The following PRKG1 variants were observed in gnomAD, a reference collection of about 807,000 sequenced individuals.
PRKG1 encodes protein kinase cGMP-dependent 1.
Under a neutral mutation model 88.1 loss-of-function variants are expected in PRKG1, and 35 were observed. The ratio of observed to expected loss-of-function variants is 0.40; its 90% CI spans 0.30 to 0.53. The LOEUF is 0.53. Ranked by LOEUF, PRKG1 falls within the 20% of genes least tolerant of loss-of-function variation. PRKG1 has a pLI of 0.59. For synonymous variants in PRKG1, 303 were observed against 292.5 expected, an observed-to-expected ratio of 1.04 and a Z score of -0.37; for missense variants, 540 against 839.8, an observed-to-expected ratio of 0.64 and a Z score of 4.41.
chr10:51,264,345 G>A (rs2132164884), intron 2 of PRKG1, among the ~76,000 whole-genome samples: 1 of 152,282 alleles, frequency 6.6e-6, no homozygotes, highest in East Asian at 1.9e-4. Context: ...ATTGTAAATT[G>A]AGCCTTCTCT....
chr10:52,250,611 G>A (rs1442115482), intron 9 of PRKG1, among the ~76,000 whole-genome samples: 2 of 152,166 alleles, frequency 1.3e-5, no homozygotes, highest in African/African-American at 2.4e-5. Flanking sequence ...TGAAGGTCAC[G>A]GGTTATGCAT....
At chr10:52,183,087 C>T (rs890576046) in intron 9 of PRKG1, among the ~76,000 whole-genome samples, 2 of 152,150 alleles carry the variant, frequency 1.3e-5, no homozygotes, top group Admixed American at 6.5e-5. Flanking sequence ...TAACTCATTA[C>T]CATGAAGACA....
At chr10:51,166,168 G>T (rs1846533021) in intron 2 of PRKG1, among the ~76,000 whole-genome samples, 1 of 150,426 alleles carries the variant, frequency 6.6e-6, no homozygotes, top group African/African-American at 2.4e-5. Context: ...TGCGATCCTT[G>T]ATGGTTCACT....
chr10:51,060,698 C>T (rs1285389480), intron 1 of PRKG1, among the ~76,000 whole-genome samples: 3 of 152,090 alleles, frequency 2.0e-5, no homozygotes, highest in Admixed American at 1.3e-4. Flanking sequence ...ATGATACTTA[C>T]ATTTTCTTTA....
chr10:51,610,745 CA>C (rs1233300044), intron 3 of PRKG1, among the ~76,000 whole-genome samples: 6 of 152,058 alleles, frequency 3.9e-5, no homozygotes, highest in Non-Finnish European at 7.3e-5. Flanking sequence ...TTTGCAGGGA[CA>C]GGGATAAAGC....
At chr10:51,461,834 T>C (rs758579034) in intron 2 of PRKG1, among the ~76,000 whole-genome samples, 5 of 152,244 alleles carry the variant, frequency 3.3e-5, no homozygotes, top group Non-Finnish European at 5.9e-5. Flanking sequence ...GGGAATTGGA[T>C]GGCTTTTCCC....
chr10:52,051,731 T>G (rs1845991356), intron 5 of PRKG1, among the ~76,000 whole-genome samples: 1 of 152,180 alleles, frequency 6.6e-6, no homozygotes, highest in South Asian at 2.1e-4. Flanking sequence ...ACTTCACTAT[T>G]GTGAAGAGAA....
At chr10:51,673,296 A>T (rs1840629445) in intron 3 of PRKG1, among the ~76,000 whole-genome samples, 1 of 152,190 alleles carries the variant, frequency 6.6e-6, no homozygotes, top group South Asian at 2.1e-4. Flanking sequence ...GAATAATTAT[A>T]TTTTATGAAG....
At chr10:51,496,503 G>A (rs906182547) in intron 3 of PRKG1, among the ~76,000 whole-genome samples, 4 of 152,104 alleles carry the variant, frequency 2.6e-5, no homozygotes, top group African/African-American at 9.7e-5. Flanking sequence ...CTTGGGCCCT[G>A]TTTTGTTAAT....
chr10:51,348,717 C>G (rs778836377), intron 2 of PRKG1, among the ~76,000 whole-genome samples: 38 of 152,178 alleles, frequency 2.5e-4, no homozygotes, highest in Non-Finnish European at 5.0e-4. Flanking sequence ...CTTGCACTAA[C>G]ATGTATCTAC....
intron 3 of PRKG1, among the ~76,000 whole-genome samples, chr10:51,723,520 T>G (rs955038103): frequency 6.6e-6 from 1 of 152,028 alleles, no homozygotes; most frequent in Admixed American, 6.5e-5. Flanking sequence ...ATGCCTAATA[T>G]AGATGAAAGG....
At chr10:52,014,951 G>A (rs1020137223) in intron 5 of PRKG1, among the ~76,000 whole-genome samples, 4 of 152,244 alleles carry the variant, frequency 2.6e-5, no homozygotes, top group African/African-American at 9.6e-5. Flanking sequence ...TGGCTCTTCA[G>A]GGTACAGCCC....
intron 4 of PRKG1, among the ~76,000 whole-genome samples, chr10:51,816,775 G>A (rs1839598288): frequency 6.6e-6 from 1 of 152,084 alleles, no homozygotes. Flanking sequence ...AATACATATA[G>A]AGTGCTTAAA....
Position 51,578,103 on chromosome 10 carries a change from A to T in PRKG1, c.592+110267A>T, listed in dbSNP as rs560877764. 1.3e-3 allele frequency among the ~76,000 whole-genome samples: 202 copies of T among 152,224 alleles called. 1 individual carries two copies. The highest frequency in any genetic ancestry group is 2.2e-3 in the Non-Finnish European group (149 of 67,994). ...ATCCCTCTTCCTAGAGAGTTGATAA[A>T]ACAGGAACATAATGCTCTTCATTCC... On this transcript the variant is annotated intron_variant, in intron 3 of 17. Coordinates refer to ENST00000373980, the MANE Select transcript of PRKG1 (RefSeq NM_006258.4).
At chr10:51,231,377 G>A (rs139783643) in intron 2 of PRKG1, among the ~76,000 whole-genome samples, 12 of 152,222 alleles carry the variant, frequency 7.9e-5, no homozygotes, top group African/African-American at 2.6e-4. Context: ...GCAATATTCA[G>A]GGTGTATATT....
intron 3 of PRKG1, among the ~76,000 whole-genome samples, chr10:51,521,424 A>G (rs1841733929): frequency 6.6e-6 from 1 of 152,234 alleles, no homozygotes; most frequent in Non-Finnish European, 1.5e-5. Context: ...TGTGATTTAT[A>G]TGAAAGGTGA....
chr10:51,412,462 GT>G (rs35271124), intron 2 of PRKG1, among the ~76,000 whole-genome samples: 82,061 of 151,664 alleles, frequency 0.54, 22,836 homozygotes, highest in Non-Finnish European at 0.62. Context: ...GGCCAACATG[GT>G]GAAAACCCAT....
At chr10:51,956,676 A>G (rs1843309913) in intron 5 of PRKG1, among the ~76,000 whole-genome samples, 1 of 151,880 alleles carries the variant, frequency 6.6e-6, no homozygotes, top group Non-Finnish European at 1.5e-5. Context: ...ACCAATACAT[A>G]AATGAATGAA....
At chr10:52,054,202 T>A (rs956813786) in intron 5 of PRKG1, among the ~76,000 whole-genome samples, 7 of 152,220 alleles carry the variant, frequency 4.6e-5, no homozygotes, top group African/African-American at 1.7e-4. Context: ...CACACCAGCA[T>A]GGCACATGCA....
Sources: gnomAD v4.1 joint callset for allele counts (sites outside exome capture counted in the v4.1 genomes callset) on GRCh38, gnomAD v4.1.1 for gene constraint, MANE v1.5 for transcripts, NCBI Gene and HGNC (gene_info 2026-07-23, HGNC 2026-07-21) for gene names.